MGMT: variants seen among roughly 807,000 people sequenced by gnomAD.
MGMT encodes the protein O-6-methylguanine-DNA methyltransferase, also known as methylated-DNA--protein-cysteine methyltransferase.
MGMT carries 14 observed loss-of-function variants against 15.9 expected under a neutral mutation model. The observed-to-expected ratio is 0.88, with a 90% CI of 0.58 to 1.37. The LOEUF (loss-of-function observed/expected upper bound fraction) is 1.37, where lower values mean the gene tolerates loss of function less well. Ranked by LOEUF, MGMT falls within the 40% of genes most tolerant of loss-of-function variation. MGMT has a pLI of 0.00. For synonymous variants in MGMT, 130 were observed against 118.2 expected (o/e 1.10, Z -0.65); for missense variants, 282 against 268.1 (o/e 1.05, Z -0.36).
At chr10:129,552,447 G>C (rs1846168303) in intron 2 of MGMT, among the ~76,000 whole-genome samples, 1 of 152,236 alleles carries the variant, frequency 6.6e-6, no homozygotes, top group African/African-American at 2.4e-5. Context: ...CCACAGACGT[G>C]GGTTTGTGGC....
intron 2 of MGMT, among the ~76,000 whole-genome samples, chr10:129,702,357 C>T (rs772702697): frequency 1.3e-5 from 2 of 152,230 alleles, no homozygotes; most frequent in Non-Finnish European, 2.9e-5. Context: ...CTTCACCCAC[C>T]AGCCACCATC....
At chr10:129,618,647 T>C (rs1337811903) in intron 2 of MGMT, among the ~76,000 whole-genome samples, 2 of 152,090 alleles carry the variant, frequency 1.3e-5, no homozygotes, top group African/African-American at 2.4e-5. Context: ...ATTTGTTTTC[T>C]TTGATACATC....
At chr10:129,622,368 T>C (rs959161335) in intron 2 of MGMT, among the ~76,000 whole-genome samples, 1 of 152,234 alleles carries the variant, frequency 6.6e-6, no homozygotes, top group African/African-American at 2.4e-5. Flanking sequence ...CATATATTCA[T>C]CTCAAATTTG....
intron 2 of MGMT, among the ~76,000 whole-genome samples, chr10:129,604,737 A>ACCCCCCCCCCCCCCCCCCCCCC (rs1554917410): frequency 2.6e-5 from 1 of 38,766 alleles, no homozygotes; most frequent in Non-Finnish European, 5.4e-5. Context: ...TCGCCGCCCC[A>ACCCCCCCCCCCCCCCCCCCCCC]CCCCCTCCCC....
intron 1 of MGMT, among the ~76,000 whole-genome samples, chr10:129,517,526 C>T (rs931709026): frequency 6.6e-6 from 1 of 152,190 alleles, no homozygotes; most frequent in Non-Finnish European, 1.5e-5. Context: ...AGTGCTGGAT[C>T]GCCAGTCTGC....
chr10:129,750,666 A>T (rs1419420213), intron 3 of MGMT, among the ~76,000 whole-genome samples: 1 of 152,128 alleles, frequency 6.6e-6, no homozygotes, highest in South Asian at 2.1e-4. Flanking sequence ...CAAGGGTTAT[A>T]TGCAAATACT....
At chr10:129,552,773 C>T (rs1433697643) in intron 2 of MGMT, among the ~76,000 whole-genome samples, 1 of 152,246 alleles carries the variant, frequency 6.6e-6, no homozygotes, top group Admixed American at 6.5e-5. Context: ...GGACTGGGCA[C>T]AGCTGCCAGA....
chr10:129,479,008 G>C (rs56721252), intron 1 of MGMT, among the ~76,000 whole-genome samples: 3,366 of 152,268 alleles, frequency 0.022, 122 homozygotes, highest in African/African-American at 0.076. Flanking sequence ...CAATAAGAGA[G>C]GCATAATGGT....
chr10:129,635,400 C>T (rs913921103), intron 2 of MGMT, among the ~76,000 whole-genome samples: 1 of 152,250 alleles, frequency 6.6e-6, no homozygotes, highest in African/African-American at 2.4e-5. Context: ...GTGTGCCCCT[C>T]CGGGTGCCCG....
chr10:129,580,726 A>G (rs1047520615), intron 2 of MGMT, among the ~76,000 whole-genome samples: 3 of 152,186 alleles, frequency 2.0e-5, no homozygotes, highest in Non-Finnish European at 4.4e-5. Context: ...CAGACACCCC[A>G]TGATTGGGGA....
chr10:129,476,695 G>C (rs1272119320), intron 1 of MGMT, among the ~76,000 whole-genome samples: 1 of 152,162 alleles, frequency 6.6e-6, no homozygotes, highest in Admixed American at 6.5e-5. Context: ...TGGCACCAAG[G>C]CCATGCTGGG....
chr10:129,640,643 C>T (rs1409973404), intron 2 of MGMT, among the ~76,000 whole-genome samples: 1 of 152,062 alleles, frequency 6.6e-6, no homozygotes, highest in Non-Finnish European at 1.5e-5. Context: ...TACCTTGATA[C>T]CACAACCAAA....
chr10:129,484,589 G>A (rs890530095), intron 1 of MGMT, among the ~76,000 whole-genome samples: 1 of 152,072 alleles, frequency 6.6e-6, no homozygotes, highest in South Asian at 2.1e-4. Flanking sequence ...ACTTTTCTGG[G>A]TTTGGTTCTG....
intron 2 of MGMT, among the ~76,000 whole-genome samples, chr10:129,684,537 A>G (rs1279363702): frequency 6.6e-6 from 1 of 152,226 alleles, no homozygotes; most frequent in Non-Finnish European, 1.5e-5. Context: ...CAAATCTCAT[A>G]ATTTCTTAAA....
intron 2 of MGMT, among the ~76,000 whole-genome samples, chr10:129,671,663 G>A (rs1028223722): frequency 1.1e-4 from 16 of 152,308 alleles, no homozygotes; most frequent in Admixed American, 2.0e-4. Context: ...ATTTTCAGAT[G>A]TCTTGTGTGT....
chr10:129,573,235 A>C (rs1417811700), intron 2 of MGMT, among the ~76,000 whole-genome samples: 5 of 152,190 alleles, frequency 3.3e-5, no homozygotes, highest in Admixed American at 3.3e-4. Flanking sequence ...TTCTATTTTG[A>C]TTTTGCCCAG....
intron 3 of MGMT, among the ~76,000 whole-genome samples, chr10:129,750,664 A>G (rs567848620): frequency 2.0e-5 from 3 of 152,214 alleles, no homozygotes; most frequent in African/African-American, 7.2e-5. Context: ...TGCAAGGGTT[A>G]TATGCAAATA....
At chr10:129,674,858 TC>T (rs1307131288) in intron 2 of MGMT, among the ~76,000 whole-genome samples, 1 of 152,198 alleles carries the variant, frequency 6.6e-6, no homozygotes, top group Non-Finnish European at 1.5e-5. Context: ...AGATGTGGCC[TC>T]CCTGACCGCC....
intron 1 of MGMT, among the ~76,000 whole-genome samples, chr10:129,478,553 A>G (rs1231651203): frequency 2.0e-5 from 3 of 152,236 alleles, no homozygotes; most frequent in Non-Finnish European, 4.4e-5. Flanking sequence ...CATGCTGTGG[A>G]TTGTAGATCT....
Sources: gnomAD v4.1 joint callset for allele counts (sites outside exome capture counted in the v4.1 genomes callset) on GRCh38, gnomAD v4.1.1 for gene constraint, MANE v1.5 for transcripts, NCBI Gene and HGNC (gene_info 2026-07-23, HGNC 2026-07-21) for gene names.